Variants in ATP8A1 observed in about 807,000 individuals in gnomAD.
ATP8A1 encodes the protein ATPase phospholipid transporting 8A1.
In ATP8A1, 90 loss-of-function variants were observed where a neutral mutation model predicts 177.7. That is an observed-to-expected ratio of 0.51 (90% confidence interval 0.43 to 0.60). The LOEUF (loss-of-function observed/expected upper bound fraction) is 0.60. Among genes scored for constraint, ATP8A1 ranks in the 20% least tolerant of loss-of-function variants. ATP8A1 has a pLI of 0.00. For synonymous variants in ATP8A1, 493 were observed against 485.9 expected (o/e 1.01, Z -0.19); for missense variants, 1,072 against 1,392.8 (o/e 0.77, Z 3.67).
chr4:42,503,598 A>G (rs1724071553), intron 23 of ATP8A1, 84 bp from the exon 24 acceptor site: 11 of 863,496 alleles, frequency 1.3e-5, no homozygotes, highest in Non-Finnish European at 1.8e-5. Flanking sequence ...TACTATGAAA[A>G]TATCTAAAGA....
chr4:42,476,909 C>A (rs369278877), intron 25 of ATP8A1, among the ~76,000 whole-genome samples: 51 of 152,322 alleles, frequency 3.3e-4, no homozygotes, highest in African/African-American at 1.0e-3. Flanking sequence ...CCTTTCCCTT[C>A]TTCAGCGTAC....
At chr4:42,445,731 T>TA (rs1379575495) in intron 31 of ATP8A1, among the ~76,000 whole-genome samples, 4 of 152,164 alleles carry the variant, frequency 2.6e-5, no homozygotes, top group Non-Finnish European at 1.5e-5. Context: ...GGTTATTTGT[T>TA]AAAATAAAAC....
intron 1 of ATP8A1, among the ~76,000 whole-genome samples, chr4:42,634,057 T>C (rs1050758024): frequency 1.3e-5 from 2 of 152,170 alleles, no homozygotes; most frequent in Non-Finnish European, 2.9e-5. Context: ...CTTTATGCAG[T>C]AGGAATTCAC....
chr4:42,525,077 T>G (rs534779046), intron 20 of ATP8A1, among the ~76,000 whole-genome samples: 1 of 152,368 alleles, frequency 6.6e-6, no homozygotes, highest in African/African-American at 2.4e-5. Flanking sequence ...ACTGTAGTTA[T>G]TCCCATGTTC....
At chr4:42,480,980 C>T (rs1249084524) in intron 25 of ATP8A1, among the ~76,000 whole-genome samples, 2 of 152,180 alleles carry the variant, frequency 1.3e-5, no homozygotes, top group Non-Finnish European at 2.9e-5. Flanking sequence ...CCAACTGTCA[C>T]AGAACATAAG....
chr4:42,652,143 T>C (rs1308975495), intron 1 of ATP8A1, among the ~76,000 whole-genome samples: 1 of 152,250 alleles, frequency 6.6e-6, no homozygotes, highest in Non-Finnish European at 1.5e-5. Flanking sequence ...ATGTCCCCGT[T>C]ACCTCAAAAT....
At chr4:42,553,621 C>CA (rs201053828) in intron 16 of ATP8A1, among the ~76,000 whole-genome samples, 3,426 of 145,378 alleles carry the variant, frequency 0.024, 126 homozygotes, top group African/African-American at 0.081. Flanking sequence ...TGCTCTTGGG[C>CA]AAAAAAAAAA....
At chr4:42,604,902 GA>G (rs941913906) in intron 5 of ATP8A1, among the ~76,000 whole-genome samples, 8 of 152,318 alleles carry the variant, frequency 5.3e-5, no homozygotes, top group African/African-American at 1.9e-4. Context: ...TATGCTAAGT[GA>G]AAGAACCCAG....
intron 20 of ATP8A1, among the ~76,000 whole-genome samples, chr4:42,529,560 G>A (rs1308779984): frequency 6.6e-6 from 1 of 152,214 alleles, no homozygotes; most frequent in Non-Finnish European, 1.5e-5. Flanking sequence ...ATGTGAGGAA[G>A]TGCCTCAAAT....
intron 4 of ATP8A1, among the ~76,000 whole-genome samples, chr4:42,619,613 C>CACAT (rs965153388): frequency 8.7e-5 from 13 of 148,996 alleles, no homozygotes; most frequent in African/African-American, 3.2e-4. Flanking sequence ...TCTATCTACA[C>CACAT]ATATATATAT....
In ATP8A1 at chr4:42,640,719, G is replaced by C. The variant is rs139631511; in HGVS notation, c.50-13610C>G. ...ATTCTTTGGCCATCCCTGCCTGTGA[G>C]CCCTTCTGAAAGAGCCTCCCCTGGG... On this transcript the variant is annotated intron_variant, in intron 1 of 36. Coordinates refer to ENST00000381668, the MANE Select transcript of ATP8A1 (RefSeq NM_006095.2). Among the ~76,000 whole-genome samples, 186 of 152,276 alleles carry C rather than the reference G, an allele frequency of 1.2e-3. 1 individual carries two copies. Among genetic ancestry groups the C allele is most frequent in the African/African-American group, 4.3e-3 (179 of 41,550 alleles).
intron 22 of ATP8A1, among the ~76,000 whole-genome samples, chr4:42,517,895 G>A (rs995491161): frequency 3.3e-5 from 5 of 152,250 alleles, no homozygotes; most frequent in South Asian, 2.1e-4. Flanking sequence ...AACAATAGCC[G>A]GTGGGCTTTT....
intron 22 of ATP8A1, among the ~76,000 whole-genome samples, chr4:42,510,667 G>C (rs1203827207): frequency 6.6e-6 from 1 of 151,954 alleles, no homozygotes; most frequent in African/African-American, 2.4e-5. Context: ...ACATTCATTA[G>C]AAACATATAA....
chr4:42,421,096 TAGAGAA>T (rs1429913239), intron 35 of ATP8A1, among the ~76,000 whole-genome samples: 1 of 152,056 alleles, frequency 6.6e-6, no homozygotes, highest in Non-Finnish European at 1.5e-5. Flanking sequence ...TTTTTATCGC[TAGAGAA>T]AGAGAACTGA....
chr4:42,482,155 T>A (rs182200021), intron 25 of ATP8A1, among the ~76,000 whole-genome samples: 3 of 149,910 alleles, frequency 2.0e-5, no homozygotes, highest in Admixed American at 1.3e-4. Context: ...TACAAAAAAT[T>A]AGCTGGGCAT....
intron 20 of ATP8A1, among the ~76,000 whole-genome samples, chr4:42,535,510 T>A (rs1001170190): frequency 6.6e-6 from 1 of 152,088 alleles, no homozygotes; most frequent in Admixed American, 6.6e-5. Flanking sequence ...AGCACAATAA[T>A]AGTGGGGGAC....
At chr4:42,544,102 TGAGCCCTAA>T in intron 19 of ATP8A1, 116 bp from the exon 20 acceptor site, 1 of 818,984 alleles carries the variant, frequency 1.2e-6, no homozygotes, top group Non-Finnish European at 2.0e-6. Flanking sequence ...GACCAAATCA[TGAGCCCTAA>T]CCTTCCACAT....
chr4:42,431,881 C>A (rs1050391765), intron 33 of ATP8A1, among the ~76,000 whole-genome samples: 1 of 152,204 alleles, frequency 6.6e-6, no homozygotes, highest in Non-Finnish European at 1.5e-5. Context: ...GCATCTTCTT[C>A]GTGAAATCAT....
intron 1 of ATP8A1, among the ~76,000 whole-genome samples, chr4:42,650,720 G>T (rs1338587175): frequency 6.6e-6 from 1 of 152,148 alleles, no homozygotes; most frequent in East Asian, 1.9e-4. Flanking sequence ...TAGCATTATA[G>T]TATTCAACAG....
Sources: gnomAD v4.1 joint callset for allele counts (sites outside exome capture counted in the v4.1 genomes callset) on GRCh38, gnomAD v4.1.1 for gene constraint, MANE v1.5 for transcripts, NCBI Gene and HGNC (gene_info 2026-07-23, HGNC 2026-07-21) for gene names.